ABLIM2: variants seen among roughly 807,000 people sequenced by gnomAD.
ABLIM2 encodes the protein actin-binding LIM protein 2.
Under a neutral mutation model 97.7 loss-of-function variants are expected in ABLIM2, and 53 were observed. That is an observed-to-expected ratio of 0.54 (90% CI 0.44 to 0.68). The LOEUF is 0.68. ABLIM2 is among the 30% of genes least tolerant of loss of function. ABLIM2 has a pLI of 0.00. For missense variants in ABLIM2, 835 were observed against 867.2 expected (o/e 0.96, Z 0.47); for synonymous variants, 361 against 345.8 (o/e 1.04, Z -0.49).
At chr4:8,135,756 C>T (rs545266647) in intron 1 of ABLIM2, among the ~76,000 whole-genome samples, 3 of 152,344 alleles carry the variant, frequency 2.0e-5, no homozygotes, top group South Asian at 4.1e-4. Context: ...CCGAAGGACT[C>T]GGCACCCAGC....
chr4:7,981,407 C>T (rs552321455), intron 20 of ABLIM2, among the ~76,000 whole-genome samples: 15 of 152,274 alleles, frequency 9.9e-5, no homozygotes, highest in African/African-American at 3.4e-4. Flanking sequence ...CCAATGTGTA[C>T]CTTACATGTA....
intron 20 of ABLIM2, among the ~76,000 whole-genome samples, chr4:7,977,293 C>A (rs192298596): frequency 1.3e-5 from 2 of 152,186 alleles, no homozygotes; most frequent in South Asian, 4.1e-4. Flanking sequence ...GCAAATTAAA[C>A]CTCTTCCTTT....
At chr4:8,073,189 C>T (rs1483845110) in intron 6 of ABLIM2, among the ~76,000 whole-genome samples, 1 of 150,864 alleles carries the variant, frequency 6.6e-6, no homozygotes, top group Non-Finnish European at 1.5e-5. Flanking sequence ...GCCAGAGCGG[C>T]TGGACCCAGG....
In ABLIM2 at chr4:8,130,310, G is replaced by A. The variant is rs1057321237; in HGVS notation, c.11-23673C>T. 1.3e-5 allele frequency among the ~76,000 whole-genome samples: 2 copies of A among 152,200 alleles called. No individual in the cohort carries two copies. The highest frequency in any genetic ancestry group is 6.5e-5 in the Admixed American group (1 of 15,284). ...GATGGCCCATGCTGGGAAACATCAC[G>A]TTGCTTTGAGGCCATCATCTTAAGG... On this transcript the variant is annotated intron_variant, in intron 1 of 20. Transcript: ENST00000447017. This position sits in a 1 kb window ranked among gnomAD's most constrained non-coding sequence, Gnocchi z 4.2.
chr4:8,100,099 G>A (rs942418554), intron 2 of ABLIM2, among the ~76,000 whole-genome samples: 2 of 152,164 alleles, frequency 1.3e-5, no homozygotes, highest in African/African-American at 2.4e-5. Flanking sequence ...CGGCTGGGGG[G>A]AAAAGATGAA....
In ABLIM2 at chr4:8,020,260, AGAGAGCACG is replaced by A. The variant is rs1302573460; in HGVS notation, c.1302_1310del (p.Val435_Ser437del). 1 of 1,613,958 alleles carries A rather than the reference AGAGAGCACG, an allele frequency of 6.2e-7. No individual in the cohort carries two copies. On this transcript the variant is annotated inframe_deletion, in exon 13 of 21. Transcript: ENST00000447017. ...AGGTGGAGGGGGGCGGCTTGCTGTC[AGAGAGCACG>A]GAGAGGCTGGGGGTGCTCCGGCCAC...
At chr4:8,057,765 G>A (rs1800280422) in intron 7 of ABLIM2, among the ~76,000 whole-genome samples, 1 of 152,194 alleles carries the variant, frequency 6.6e-6, no homozygotes, top group African/African-American at 2.4e-5. Flanking sequence ...CTGCCTCATC[G>A]CCCAGGAGAC....
intron 1 of ABLIM2, among the ~76,000 whole-genome samples, chr4:8,134,468 C>A (rs1035406794): frequency 1.1e-4 from 17 of 152,238 alleles, no homozygotes; most frequent in Non-Finnish European, 2.4e-4. Flanking sequence ...GGCCCAGCCC[C>A]CGTCGGCAAG....
intron 4 of ABLIM2, among the ~76,000 whole-genome samples, chr4:8,081,213 G>A (rs537009266): frequency 3.6e-4 from 54 of 152,046 alleles, no homozygotes; most frequent in African/African-American, 9.6e-4. Flanking sequence ...CCCCAACCCC[G>A]TCAGCCCTGG....
chr4:8,096,607 C>T (rs1219547556), intron 3 of ABLIM2, among the ~76,000 whole-genome samples: 8 of 152,216 alleles, frequency 5.3e-5, no homozygotes, highest in Non-Finnish European at 4.4e-5. Context: ...CCTGCAAACA[C>T]GGTGTGGTGA....
intron 12 of ABLIM2, 94 bp from the exon 13 acceptor site, chr4:8,020,397 C>T: frequency 3.5e-6 from 4 of 1,136,174 alleles, no homozygotes; most frequent in Non-Finnish European, 5.2e-6. Context: ...GCAGCGAGCC[C>T]CATCTCTCCT....
intron 1 of ABLIM2, among the ~76,000 whole-genome samples, chr4:8,116,224 T>C (rs964020413): frequency 3.3e-5 from 5 of 152,210 alleles, no homozygotes; most frequent in Non-Finnish European, 5.9e-5. Context: ...TAGGCAGCCA[T>C]TGAAAACCAG....
At position 8,044,779 on chromosome 4, in the gene ABLIM2, T is replaced by C. The variant is rs919832002; in HGVS notation, c.900+385A>G. Among the ~76,000 whole-genome samples, 1 of 152,104 alleles carries C rather than the reference T, an allele frequency of 6.6e-6. No homozygotes were observed. The highest frequency in any genetic ancestry group is 2.4e-5 in the African/African-American group (1 of 41,392). ...CGCTGGGAGAGCGTGCGTGTTGATG[T>C]ACACAGATCCGTGCCGTTATTTGCA... On this transcript the variant is annotated intron_variant, in intron 9 of 20. Coordinates refer to ENST00000447017, the MANE Select transcript of ABLIM2 (RefSeq NM_001130083.2). The surrounding 1 kb of genome is among the most constrained non-coding windows in gnomAD (Gnocchi z 4.4).
At chr4:8,158,560 G>A in intron 1 of ABLIM2, 120 bp downstream of exon 1, 16 of 1,277,794 alleles carry the variant, frequency 1.3e-5, no homozygotes, top group Non-Finnish European at 1.6e-5. Context: ...GCAAAAGTTG[G>A]GTGGAGCCGC....
In ABLIM2 at chr4:8,022,436, C is replaced by T. The variant is rs1210372011; in HGVS notation, c.1268-2133G>A. Reference sequence around the variant, plus strand: ...GAGGGTCCGGAGACTCATCAGCTTTCATCAGATACTTGGAGGGGCCTGAGG... The same window carrying T: ...GAGGGTCCGGAGACTCATCAGCTTTTATCAGATACTTGGAGGGGCCTGAGG... On this transcript the variant is annotated intron_variant, in intron 12 of 20. Transcript: ENST00000447017. The surrounding 1 kb of genome is among the most constrained non-coding windows in gnomAD (Gnocchi z 7.8). 6.6e-6 allele frequency among the ~76,000 whole-genome samples: 1 copy of T among 152,216 alleles called. No homozygotes were observed. The highest frequency in any genetic ancestry group is 1.5e-5 in the Non-Finnish European group (1 of 68,038).
intron 12 of ABLIM2, among the ~76,000 whole-genome samples, chr4:8,026,291 T>G (rs1192170072): frequency 1.3e-5 from 2 of 152,232 alleles, no homozygotes; most frequent in Non-Finnish European, 2.9e-5. Flanking sequence ...TATGAGCCAT[T>G]GCACCCAGGT....
chr4:8,060,992 T>C lies in ABLIM2; in HGVS notation c.738A>G (p.Ala246=), dbSNP rs746026613. 8.1e-6 allele frequency: 13 copies of C among 1,597,290 alleles called. No individual in the cohort carries two copies. The East Asian group carries it at 2.9e-4, about 36-fold the overall frequency. Residue 246 remains alanine, a synonymous_variant, in exon 7 of 21, where the codon GCA becomes GCG. Coordinates refer to ENST00000447017, the MANE Select transcript of ABLIM2 (RefSeq NM_001130083.2). ...ALCVRCGQMF[A]EGEEMYLQGS... Reference sequence around the variant, plus strand: ...CTTGAAGATACATCTCTTCGCCTTCTGCAAACATCTGGCCGCACCTGACAC... The same window carrying C: ...CTTGAAGATACATCTCTTCGCCTTCCGCAAACATCTGGCCGCACCTGACAC...
chr4:8,018,391 T>A (rs1771060248), intron 14 of ABLIM2, among the ~76,000 whole-genome samples: 1 of 152,172 alleles, frequency 6.6e-6, no homozygotes, highest in Non-Finnish European at 1.5e-5. Flanking sequence ...TTTCCCCACT[T>A]GTAACCCAAG....
At chr4:7,991,651 C>T (rs1256281519) in intron 17 of ABLIM2, among the ~76,000 whole-genome samples, 1 of 152,218 alleles carries the variant, frequency 6.6e-6, no homozygotes, top group African/African-American at 2.4e-5. Flanking sequence ...AAGCGTGCCA[C>T]ATGCATGGTC....
Sources: allele counts gnomAD v4.1 joint callset (sites outside exome capture counted in the v4.1 genomes callset), GRCh38; gene constraint gnomAD v4.1.1; non-coding constraint Gnocchi (gnomAD v3.1); transcripts MANE v1.5; gene names NCBI Gene and HGNC (gene_info 2026-07-23, HGNC 2026-07-21).